SLC7A1: variants seen among roughly 807,000 people sequenced by gnomAD.
SLC7A1 encodes solute carrier family 7 member 1.
SLC7A1 carries 10 observed loss-of-function variants against 53.9 expected under a neutral mutation model. The observed-to-expected ratio is 0.19, with a 90% CI of 0.11 to 0.31. The LOEUF (loss-of-function observed/expected upper bound fraction) is 0.31. Among genes scored for constraint, SLC7A1 ranks in the 10% least tolerant of loss-of-function variants. The pLI, the probability that SLC7A1 is intolerant of heterozygous loss-of-function variation, is 1.00. For synonymous variants in SLC7A1, 342 were observed against 338.7 expected (o/e 1.01, Z -0.11); for missense variants, 525 against 827.2 (o/e 0.63, Z 4.48).
rs634006 is a variant in SLC7A1 at position 29,560,950 on chromosome 13, T to C, written c.-114-7090A>G. Among the ~76,000 whole-genome samples the C allele has an allele frequency of 3.5e-3, 534 of 152,228 alleles. 4 individuals carry two copies. The highest frequency in any genetic ancestry group is 0.012 in the African/African-American group (501 of 41,542). On this transcript the variant is annotated intron_variant, in intron 1 of 12. Coordinates refer to ENST00000380752, the MANE Select transcript of SLC7A1 (RefSeq NM_003045.5). Reference sequence around the variant, plus strand: ...CACTAAGTACACTTATAAGAACCACTAAAAAAATCTTTATATTTATTTTAT... The same window carrying C: ...CACTAAGTACACTTATAAGAACCACCAAAAAAATCTTTATATTTATTTTAT...
At position 29,589,397 on chromosome 13, in the gene SLC7A1, G is replaced by A. The variant is rs377053241; in HGVS notation, c.-115+6019C>T. On this transcript the variant is annotated intron_variant, in intron 1 of 12. Transcript: ENST00000380752. Reference sequence around the variant, plus strand: ...GGCTCCATTGTGGTCTGGGCAGGAGGCATTGCATCCAGCCAAAGGCTGGTG... The same window carrying A: ...GGCTCCATTGTGGTCTGGGCAGGAGACATTGCATCCAGCCAAAGGCTGGTG... Among the ~76,000 whole-genome samples the A allele has an allele frequency of 6.6e-5, 10 of 152,360 alleles. No individual in the cohort carries two copies. The East Asian group carries it at 1.5e-3, about 24-fold the overall frequency.
At chr13:29,570,586 G>T (rs1189203884) in intron 1 of SLC7A1, among the ~76,000 whole-genome samples, 1 of 152,178 alleles carries the variant, frequency 6.6e-6, no homozygotes, top group East Asian at 1.9e-4. Flanking sequence ...GGTGGCTCAC[G>T]TCTATAATCC....
chr13:29,516,530 C>A (rs1593537981), intron 11 of SLC7A1, among the ~76,000 whole-genome samples: 1 of 152,224 alleles, frequency 6.6e-6, no homozygotes, highest in East Asian at 1.9e-4. Flanking sequence ...TTGCGATTCT[C>A]CTGCTAAAGA....
At chr13:29,524,354 C>G in intron 5 of SLC7A1, 101 bp from the exon 6 acceptor site, 1 of 1,466,816 alleles carries the variant, frequency 6.8e-7, no homozygotes, top group South Asian at 1.3e-5. Context: ...TGGCAGTCAG[C>G]CCTCCCTGTT....
chr13:29,592,569 G>A (rs1322573276), intron 1 of SLC7A1, among the ~76,000 whole-genome samples: 9 of 152,210 alleles, frequency 5.9e-5, no homozygotes, highest in Non-Finnish European at 1.0e-4. Flanking sequence ...AGCCTGGATT[G>A]ACAGATCATG....
intron 1 of SLC7A1, among the ~76,000 whole-genome samples, chr13:29,560,545 C>T (rs1407085528): frequency 6.6e-6 from 1 of 151,110 alleles, no homozygotes; most frequent in African/African-American, 2.4e-5. Flanking sequence ...ATAGTAAAAA[C>T]CCAATAACAC....
intron 1 of SLC7A1, among the ~76,000 whole-genome samples, chr13:29,580,437 T>C (rs1871595205): frequency 6.6e-6 from 1 of 151,980 alleles, no homozygotes; most frequent in Non-Finnish European, 1.5e-5. Context: ...CGTTTTGAGA[T>C]CTATTCCATG....
chr13:29,556,516 C>T (rs1231113277), intron 1 of SLC7A1, among the ~76,000 whole-genome samples: 3 of 152,136 alleles, frequency 2.0e-5, no homozygotes, highest in African/African-American at 4.8e-5. Context: ...GTAGCTGGGA[C>T]TACAGGTGCA....
Position 29,591,698 on chromosome 13 carries a change from G to A in SLC7A1, c.-115+3718C>T, listed in dbSNP as rs192094246. ...CCATGCCCTCTGTGCCCCCAGAAAA[G>A]GGAGGGGGGCAAGGGGACAATCAGA... is the stretch of plus-strand genomic sequence containing the variant. On this transcript the variant is annotated intron_variant, in intron 1 of 12. Transcript: ENST00000380752. Among the ~76,000 whole-genome samples the A allele has an allele frequency of 8.5e-5, 13 of 152,302 alleles. 1 individual carries two copies. Among genetic ancestry groups the A allele is most frequent in the African/African-American group, 2.9e-4 (12 of 41,562 alleles).
Position 29,553,850 on chromosome 13 carries a change from G to T in SLC7A1, c.-104C>A, listed in dbSNP as rs1870309033. On this transcript the variant is annotated 5_prime_UTR_variant, in exon 2 of 13. Transcript: ENST00000380752. ...ATGTCTCAGGAGGGATACAAGGAAG[G>T]TTTCAGAATCCTGAAAGGCAAGGAA... The T allele has an allele frequency of 6.6e-6, 1 of 151,798 alleles. No homozygotes were observed. The highest frequency in any genetic ancestry group is 6.5e-5 in the Admixed American group (1 of 15,272). The allele number at this position is 151,798 out of a possible 1,614,324, so 9.4% of individuals were successfully genotyped here.
At chr13:29,562,134 C>A (rs1420366047) in intron 1 of SLC7A1, among the ~76,000 whole-genome samples, 2 of 152,212 alleles carry the variant, frequency 1.3e-5, no homozygotes, top group Non-Finnish European at 2.9e-5. Flanking sequence ...CTCAGCCTGC[C>A]AGTTTCCCAA....
At chr13:29,524,823 G>T (rs897511609) in intron 5 of SLC7A1, among the ~76,000 whole-genome samples, 2 of 152,228 alleles carry the variant, frequency 1.3e-5, no homozygotes, top group Non-Finnish European at 2.9e-5. Flanking sequence ...CTGGGCACTG[G>T]CCCACGGGAG....
chr13:29,541,446 C>T (rs954219032), intron 2 of SLC7A1, among the ~76,000 whole-genome samples: 5 of 152,188 alleles, frequency 3.3e-5, no homozygotes, highest in African/African-American at 1.2e-4. Context: ...ACTCATTAAT[C>T]CCAGGTGAAC....
At position 29,517,319 on chromosome 13, in the gene SLC7A1, G is replaced by A. The variant is rs187002131; in HGVS notation, c.1511-9C>T. 5 of 1,601,322 alleles carry A rather than the reference G, an allele frequency of 3.1e-6. No homozygotes were observed. The highest frequency in any genetic ancestry group is 2.2e-5 in the East Asian group (1 of 44,696). On this transcript the variant is annotated splice_polypyrimidine_tract_variant and intron_variant, in intron 10 of 12. Coordinates refer to ENST00000380752, the MANE Select transcript of SLC7A1 (RefSeq NM_003045.5). ...GGTGATGATGAGAACAGCTAAGGGG[G>A]AAGGAAAAGACAGCAAGCTGCAACT...
intron 3 of SLC7A1, among the ~76,000 whole-genome samples, chr13:29,533,698 G>A (rs1040468684): frequency 1.3e-5 from 2 of 152,124 alleles, no homozygotes; most frequent in African/African-American, 2.4e-5. Context: ...CTCCGGTGCC[G>A]AAGAACACCA....
chr13:29,523,350 G>A lies in SLC7A1; in HGVS notation c.965C>T (p.Pro322Leu). The A allele has an allele frequency of 6.2e-7, 1 of 1,613,778 alleles. No individual in the cohort carries two copies. The highest frequency in any genetic ancestry group is 8.5e-7 in the Non-Finnish European group (1 of 1,180,014). The change falls in exon 7 of 13, where the codon CCC becomes CTC. Residue 322 changes from proline (P) to leucine (L), a missense_variant. By Grantham distance (98) the Pro-to-Leu change is moderately conservative. Coordinates refer to ENST00000380752, the MANE Select transcript of SLC7A1 (RefSeq NM_003045.5). ...CACGTGCTTAAAGGCGTCGGGCAGG[G>A]GGCTGTTATTGTCCAGGCAGAAGTA... Reference protein sequence around the residue: ...MPYFCLDNNSPLPDAFKHVGW... With the variant: ...MPYFCLDNNSLLPDAFKHVGW...
intron 2 of SLC7A1, among the ~76,000 whole-genome samples, chr13:29,544,641 T>C (rs1390185186): frequency 6.6e-6 from 1 of 152,118 alleles, no homozygotes; most frequent in Non-Finnish European, 1.5e-5. Flanking sequence ...TTCTATAACA[T>C]TCTCCCAAGG....
intron 1 of SLC7A1, among the ~76,000 whole-genome samples, chr13:29,569,942 CT>C: frequency 6.6e-6 from 1 of 152,328 alleles, no homozygotes; most frequent in East Asian, 1.9e-4. Context: ...CACACGGCTG[CT>C]GGCTAGCCTG....
intron 2 of SLC7A1, among the ~76,000 whole-genome samples, chr13:29,542,115 AG>A (rs1463642920): frequency 1.3e-5 from 2 of 152,152 alleles, no homozygotes; most frequent in Non-Finnish European, 2.9e-5. Context: ...ACCTACGGGG[AG>A]TACAGGCAGA....
Sources: allele counts gnomAD v4.1 joint callset (sites outside exome capture counted in the v4.1 genomes callset), GRCh38; gene constraint gnomAD v4.1.1; transcripts MANE v1.5; gene names NCBI Gene and HGNC (gene_info 2026-07-23, HGNC 2026-07-21).